BRD4: variants seen among roughly 807,000 people sequenced by gnomAD.
BRD4 encodes bromodomain-containing protein 4.
A neutral mutation model predicts 142.1 loss-of-function variants in BRD4; 16 were observed. The observed-to-expected ratio is 0.11, with a 90% CI of 0.08 to 0.17. The LOEUF (loss-of-function observed/expected upper bound fraction) is 0.17, where lower values mean the gene tolerates loss of function less well. BRD4 is among the 10% of genes least tolerant of loss of function. The pLI is 1.00. For missense variants in BRD4, 1,424 were observed against 1,810.9 expected (o/e 0.79, Z 3.88); for synonymous variants, 833 against 707.5 (o/e 1.18, Z -2.82).
intron 1 of BRD4, among the ~76,000 whole-genome samples, chr19:15,301,928 A>C (rs912957586): frequency 3.3e-5 from 5 of 150,646 alleles, no homozygotes; most frequent in Admixed American, 6.6e-5. Context: ...GCACATTAGG[A>C]GGATGAGGCA....
At chr19:15,293,363 A>G (rs1246573571) in intron 1 of BRD4, among the ~76,000 whole-genome samples, 3 of 152,202 alleles carry the variant, frequency 2.0e-5, no homozygotes, top group Non-Finnish European at 4.4e-5. Flanking sequence ...GGCTTATCTC[A>G]GTTCCCAGGA....
chr19:15,324,631 AAG>A (rs1415681651), intron 1 of BRD4, among the ~76,000 whole-genome samples: 2 of 152,250 alleles, frequency 1.3e-5, no homozygotes, highest in Non-Finnish European at 2.9e-5. Flanking sequence ...AAGGTATGGA[AAG>A]ATGTTCCAGT....
intron 1 of BRD4, among the ~76,000 whole-genome samples, chr19:15,319,282 T>C (rs1056256891): frequency 6.6e-6 from 1 of 152,120 alleles, no homozygotes; most frequent in Non-Finnish European, 1.5e-5. Flanking sequence ...CTGGGAAACA[T>C]GGTGAAACCC....
At position 15,237,623 on chromosome 19, in the gene BRD4, AAAAAAAAG is replaced by A; in HGVS notation, c.*746_*753del. 1 of 229,802 alleles carries A rather than the reference AAAAAAAAG, an allele frequency of 4.4e-6. No homozygotes were observed. The highest frequency in any genetic ancestry group is 6.1e-5 in the East Asian group (1 of 16,266). 14.2% of individuals were successfully genotyped at this position (229,802 alleles called of 1,614,324 possible). On this transcript the variant is annotated 3_prime_UTR_variant, in exon 20 of 20. Coordinates refer to ENST00000679869, the MANE Select transcript of BRD4 (RefSeq NM_001379291.1). ...AGAATTCAACAAAAAATATATATAG[AAAAAAAAG>A]AAAAAAAAAAACGAAACAGAAACAC...
At chr19:15,270,775 T>C (rs1749963630) in intron 2 of BRD4, among the ~76,000 whole-genome samples, 1 of 152,256 alleles carries the variant, frequency 6.6e-6, no homozygotes, top group Admixed American at 6.5e-5. Context: ...GTCCCCAGAA[T>C]ACAGATTTAG....
At position 15,237,469 on chromosome 19, in the gene BRD4, A is replaced by G. The variant is rs2047202347; in HGVS notation, c.*908T>C. On this transcript the variant is annotated 3_prime_UTR_variant, in exon 20 of 20. Coordinates refer to ENST00000679869, the MANE Select transcript of BRD4 (RefSeq NM_001379291.1). ...GATATGCCAACTATGTTCACTATAC[A>G]GTACAGCCACGGTCACACACTACCC... The G allele has an allele frequency of 4.4e-6, 1 of 226,070 alleles. No individual in the cohort carries two copies. Among genetic ancestry groups the G allele is most frequent in the Non-Finnish European group, 8.8e-6 (1 of 113,640 alleles). The allele number at this position is 226,070 out of a possible 1,614,324, so 14.0% of individuals were successfully genotyped here. A position where few individuals can be genotyped will look rare whatever the true frequency, so the allele number is the denominator to read the frequency against.
chr19:15,250,109 T>C (rs564383930), intron 11 of BRD4, among the ~76,000 whole-genome samples: 17 of 152,196 alleles, frequency 1.1e-4, no homozygotes, highest in African/African-American at 3.6e-4. Flanking sequence ...CCCTGGCCCC[T>C]GAGTGCGGGC....
intron 1 of BRD4, among the ~76,000 whole-genome samples, chr19:15,331,484 A>G (rs2048157814): frequency 6.6e-6 from 1 of 152,236 alleles, no homozygotes; most frequent in Admixed American, 6.5e-5. Context: ...CGGACCGAGC[A>G]AAACAAAGCG....
chr19:15,241,005 G>T (rs1205197900), intron 14 of BRD4, among the ~76,000 whole-genome samples: 3 of 152,174 alleles, frequency 2.0e-5, no homozygotes, highest in Non-Finnish European at 2.9e-5. Context: ...CATAGGCCTG[G>T]AGCAAACCAC....
chr19:15,261,773 T>G (rs2047473629), intron 7 of BRD4, among the ~76,000 whole-genome samples: 1 of 152,126 alleles, frequency 6.6e-6, no homozygotes, highest in African/African-American at 2.4e-5. Flanking sequence ...ACATGCCATC[T>G]CTACCAAAAT....
rs1458066392 is a variant in BRD4 at position 15,236,995 on chromosome 19, C to T, written c.*1382G>A. 8 of 200,924 alleles carry T rather than the reference C, an allele frequency of 4.0e-5. No individual in the cohort carries two copies. The highest frequency in any genetic ancestry group is 6.0e-5 in the Non-Finnish European group (6 of 100,182). The allele number at this position is 200,924 out of a possible 1,614,324, so 12.4% of individuals were successfully genotyped here. A position where few individuals can be genotyped will look rare whatever the true frequency, so the allele number is the denominator to read the frequency against. On this transcript the variant is annotated 3_prime_UTR_variant, in exon 20 of 20. Transcript: ENST00000679869. ...GTTCTCATGGCACGCGTAACCTCAC[C>T]AGGGGCTCCAATTATAAAAATTAAA...
chr19:15,331,947 C>T lies in BRD4; in HGVS notation c.-35+343G>A, dbSNP rs893594057. 5.1e-3 allele frequency: 720 copies of T among 140,756 alleles called. 28 individuals carry two copies. Among genetic ancestry groups the T allele is most frequent in the Admixed American group, 0.047 (680 of 14,390 alleles). The allele number at this position is 140,756 out of a possible 1,614,324, so 8.7% of individuals were successfully genotyped here. A position where few individuals can be genotyped will look rare whatever the true frequency, so the allele number is the denominator to read the frequency against. Reference sequence around the variant, plus strand: ...GTGCCGGGCGCCTCGGCCCGCCCCCCGCCCGCCCCCGACCGCCGGCCCCGC... The same window carrying T: ...GTGCCGGGCGCCTCGGCCCGCCCCCTGCCCGCCCCCGACCGCCGGCCCCGC... On this transcript the variant is annotated intron_variant, in intron 1 of 19. Coordinates refer to ENST00000679869, the MANE Select transcript of BRD4 (RefSeq NM_001379291.1).
chr19:15,302,351 C>T (rs534912736), intron 1 of BRD4, among the ~76,000 whole-genome samples: 72 of 152,290 alleles, frequency 4.7e-4, no homozygotes, highest in African/African-American at 1.5e-3. Context: ...GTCTGAACCA[C>T]GAGCTTCCAT....
intron 1 of BRD4, chr19:15,280,194 C>T: frequency 1.0e-6 from 1 of 962,498 alleles, no homozygotes; most frequent in Non-Finnish European, 1.2e-6. Context: ...GGATGGTGGC[C>T]TGGTTGGCTG....
intron 7 of BRD4, among the ~76,000 whole-genome samples, chr19:15,261,767 G>A (rs1008564713): frequency 1.3e-5 from 2 of 152,038 alleles, no homozygotes; most frequent in African/African-American, 4.8e-5. Context: ...ACAGTGACAT[G>A]CCATCTCTAC....
Position 15,267,431 on chromosome 19 carries a change from C to A in BRD4, c.544G>T (p.Gly182Trp). 6.2e-7 allele frequency: 1 copy of A among 1,614,048 alleles called. No homozygotes were observed. The highest frequency in any genetic ancestry group is 1.6e-4 in the Middle Eastern group (1 of 6,062). The change falls in exon 4 of 20, where the codon GGG becomes TGG. Residue 182 changes from glycine to tryptophan, a missense_variant. Physicochemically the swap from Gly to Trp is radical, Grantham distance 184 (BLOSUM62 -2). Around this residue, in one of 16 missense-constraint regions of BRD4, gnomAD observed 55 missense variants for 160.7 expected, o/e 0.34. Coordinates refer to ENST00000679869, the MANE Select transcript of BRD4 (RefSeq NM_001379291.1). ...MIVQAKGRGR[G>W]RKETGTAKPG... ...AGTACTCTACCTGTTTCTTTCCTCC[C>A]ACGTCCTCTTCCTTTTGCCTGGACT...
intron 2 of BRD4, among the ~76,000 whole-genome samples, chr19:15,271,226 C>T (rs185656441): frequency 5.9e-4 from 90 of 152,308 alleles, no homozygotes; most frequent in Non-Finnish European, 1.1e-3. Context: ...GTTCCCACTG[C>T]GTTTTCTTGT....
At chr19:15,291,005 T>TATC (rs2047777908) in intron 1 of BRD4, among the ~76,000 whole-genome samples, 1 of 152,082 alleles carries the variant, frequency 6.6e-6, no homozygotes, top group South Asian at 2.1e-4. Flanking sequence ...AAGAAGTGGG[T>TATC]ATGATGGCAC....
At chr19:15,332,198 C>T (rs2048167767) in intron 1 of BRD4, 92 bp downstream of exon 1, 3 of 146,552 alleles carry the variant, frequency 2.0e-5, no homozygotes, top group Non-Finnish European at 3.0e-5. Flanking sequence ...GCGCCCCGGC[C>T]CCATTACGCA....
Sources: allele counts gnomAD v4.1 joint callset (sites outside exome capture counted in the v4.1 genomes callset), GRCh38; gene constraint gnomAD v4.1.1; regional missense constraint gnomAD v4.1.1; transcripts MANE v1.5; gene names NCBI Gene and HGNC (gene_info 2026-07-23, HGNC 2026-07-21).